CFAP20DC: variants seen among roughly 807,000 people sequenced by gnomAD.
CFAP20DC encodes CFAP20 domain containing, also known as protein CFAP20DC.
CFAP20DC carries 84 observed loss-of-function variants against 101.7 expected under a neutral mutation model. The ratio of observed to expected loss-of-function variants is 0.83; its 90% CI spans 0.69 to 0.99. The LOEUF (loss-of-function observed/expected upper bound fraction) is 0.99, where lower values mean the gene tolerates loss of function less well. Ranked by LOEUF, CFAP20DC falls within the 50% of genes least tolerant of loss-of-function variation. The probability of loss-of-function intolerance (pLI) is 0.00; values close to 1 mark genes in which losing one functional copy is unlikely to be tolerated. For missense variants in CFAP20DC, 1,007 were observed against 970.3 expected, an observed-to-expected ratio of 1.04 and a Z score of -0.50; for synonymous variants, 359 against 351.2, an observed-to-expected ratio of 1.02 and a Z score of -0.25.
chr3:58,753,960 A>C, intron 15 of CFAP20DC, 97 bp from the exon 16 acceptor site: 1 of 751,608 alleles, frequency 1.3e-6, no homozygotes, highest in Admixed American at 3.0e-5. Context: ...TCCAAAAAGA[A>C]ACACTTTTTT....
rs546467618 is a variant in CFAP20DC, at chr3:58,807,048, G to A, written c.2176-592C>T. On this transcript the variant is annotated intron_variant, in intron 14 of 16. Transcript: ENST00000482387. Reference sequence around the variant, plus strand: ...CCCGCCATTGCCCAGACTTGCTTAGGTAAACAAAGCAGCCAGGAAGCTCGA... The same window carrying A: ...CCCGCCATTGCCCAGACTTGCTTAGATAAACAAAGCAGCCAGGAAGCTCGA... 5.1e-4 allele frequency among the ~76,000 whole-genome samples: 78 copies of A among 152,284 alleles called. 1 individual carries two copies. Among genetic ancestry groups the A allele is most frequent in the African/African-American group, 1.9e-3 (77 of 41,564 alleles).
In CFAP20DC at chr3:58,724,992, C is replaced by T. The variant is rs1051514836; in HGVS notation, c.198-7364G>A. ...GCTATTATTACTTTGGAGGGGACCACCGAACCAGTAAACATTTGGGTTATG... is the reference window on the plus strand; with the variant it reads ...GCTATTATTACTTTGGAGGGGACCATCGAACCAGTAAACATTTGGGTTATG... On this transcript the variant is annotated intron_variant, in intron 3 of 3. Transcript: ENST00000486145. The surrounding 1 kb of genome is among the most constrained non-coding windows in gnomAD (Gnocchi z 5.6). Among the ~76,000 whole-genome samples, 1 of 152,124 alleles carries T rather than the reference C, an allele frequency of 6.6e-6. No homozygotes were observed. The highest frequency in any genetic ancestry group is 6.5e-5 in the Admixed American group (1 of 15,284).
Position 58,916,473 on chromosome 3 carries a change from T to C in CFAP20DC, c.394-2609A>G, listed in dbSNP as rs138878244. On this transcript the variant is annotated intron_variant, in intron 5 of 16. Transcript: ENST00000482387. ...TCTGTCAACCTGGACTCATGCTTCA[T>C]GGAATGTACTAAACAAATAAGGGTA... Among the ~76,000 whole-genome samples, 23 of 152,276 alleles carry C rather than the reference T, an allele frequency of 1.5e-4. No homozygotes were observed. The East Asian group carries it at 4.4e-3, about 29-fold the overall frequency.
At chr3:59,008,897 A>G (rs898502779) in intron 4 of CFAP20DC, among the ~76,000 whole-genome samples, 13 of 152,282 alleles carry the variant, frequency 8.5e-5, no homozygotes, top group Middle Eastern at 3.4e-3. Context: ...GAAAACAGTA[A>G]ACAAATAAAG....
intron 15 of CFAP20DC, among the ~76,000 whole-genome samples, chr3:58,797,753 C>T (rs1477213221): frequency 8.0e-6 from 1 of 125,630 alleles, no homozygotes; most frequent in African/African-American, 3.5e-5. Flanking sequence ...CAGGATGACT[C>T]TGTTGTTGGG....
intron 15 of CFAP20DC, among the ~76,000 whole-genome samples, chr3:58,791,194 A>AT (rs201284712): frequency 2.0e-5 from 3 of 152,014 alleles, no homozygotes; most frequent in East Asian, 1.9e-4. Context: ...TTAAAGTATG[A>AT]TTTTTTTTGA....
intron 12 of CFAP20DC, chr3:58,862,747 T>C: frequency 3.1e-6 from 3 of 972,966 alleles, no homozygotes; most frequent in Non-Finnish European, 1.2e-6. Context: ...TAGAAAAGCT[T>C]TGTACATTTT....
chr3:58,842,458 G>A (rs2077210929), intron 13 of CFAP20DC, among the ~76,000 whole-genome samples: 1 of 151,938 alleles, frequency 6.6e-6, no homozygotes. Flanking sequence ...TTTTCAGACC[G>A]GCTTAAAAAA....
rs762830554 is a variant in CFAP20DC at position 58,913,705 on chromosome 3, T to TA, written c.550+2dup. On this transcript the variant is annotated splice_region_variant and intron_variant, in intron 6 of 16. Transcript: ENST00000482387. The surrounding 1 kb of genome is among the most constrained non-coding windows in gnomAD (Gnocchi z 4.4). ...AAAAATCTTGATAGCAACCTGAACA[T>TA]ACCATCCTTATCAGCAGTGTCTTGT... The TA allele has an allele frequency of 1.2e-6, 2 of 1,613,482 alleles. No homozygotes were observed. The highest frequency in any genetic ancestry group is 1.7e-6 in the Non-Finnish European group (2 of 1,179,636).
intron 14 of CFAP20DC, among the ~76,000 whole-genome samples, chr3:58,816,982 CCT>C (rs1473269106): frequency 2.0e-5 from 3 of 152,112 alleles, no homozygotes; most frequent in African/African-American, 7.2e-5. Context: ...GTCCCTGGCC[CCT>C]GACCCCCGAG....
intron 4 of CFAP20DC, among the ~76,000 whole-genome samples, chr3:58,998,955 C>T (rs771550080): frequency 1.3e-5 from 2 of 152,200 alleles, no homozygotes; most frequent in Non-Finnish European, 2.9e-5. Flanking sequence ...CAAACTCACA[C>T]AGCTGGTGGA....
intron 13 of CFAP20DC, among the ~76,000 whole-genome samples, chr3:58,843,273 T>C (rs929132114): frequency 2.0e-5 from 3 of 151,786 alleles, no homozygotes; most frequent in African/African-American, 7.3e-5. Context: ...GAAAAAAATT[T>C]AGAAGAATGT....
intron 13 of CFAP20DC, among the ~76,000 whole-genome samples, chr3:58,848,721 C>G (rs930640084): frequency 6.6e-6 from 1 of 152,096 alleles, no homozygotes; most frequent in African/African-American, 2.4e-5. Context: ...ATAAGATCAT[C>G]ATTTATAATT....
intron 15 of CFAP20DC, among the ~76,000 whole-genome samples, chr3:58,770,996 C>G (rs1020937902): frequency 3.3e-5 from 5 of 152,128 alleles, no homozygotes; most frequent in Non-Finnish European, 7.3e-5. Context: ...GACTTGGAAC[C>G]AACCCAAATG....
At chr3:58,719,379 G>C (rs567373323) in intron 3 of CFAP20DC, among the ~76,000 whole-genome samples, 1 of 152,350 alleles carries the variant, frequency 6.6e-6, no homozygotes, top group Admixed American at 6.5e-5. Flanking sequence ...GTGTGGGCAA[G>C]GGTGGAATGT....
chr3:58,819,754 T>C (rs2075481100), intron 14 of CFAP20DC, among the ~76,000 whole-genome samples: 1 of 145,316 alleles, frequency 6.9e-6, no homozygotes, highest in Non-Finnish European at 1.5e-5. Flanking sequence ...ACTATTCCAA[T>C]CAATAGAAAA....
chr3:58,766,996 G>T (rs147913060), intron 15 of CFAP20DC, among the ~76,000 whole-genome samples: 5 of 152,084 alleles, frequency 3.3e-5, no homozygotes, highest in Non-Finnish European at 5.9e-5. Context: ...AAGAGCTCTC[G>T]TCTCAGCTCA....
rs985373653 is a variant in CFAP20DC, at chr3:58,722,178, C to T, written c.198-4550G>A. Among the ~76,000 whole-genome samples, 7 of 152,168 alleles carry T rather than the reference C, an allele frequency of 4.6e-5. No homozygotes were observed. Among genetic ancestry groups the T allele is most frequent in the African/African-American group, 7.2e-5 (3 of 41,440 alleles). On this transcript the variant is annotated intron_variant, in intron 3 of 3. Transcript: ENST00000486145. This position sits in a 1 kb window ranked among gnomAD's most constrained non-coding sequence, Gnocchi z 4.5. ...ATGGTCCCAGCTAAAGCCCAGCCTC[C>T]GGGTCATCCCAGCCCAGGCACCAGG...
intron 4 of CFAP20DC, among the ~76,000 whole-genome samples, chr3:59,030,912 C>T (rs1427510194): frequency 6.6e-6 from 1 of 152,188 alleles, no homozygotes; most frequent in African/African-American, 2.4e-5. Flanking sequence ...CAAGCTCCGC[C>T]TCCCGGGTTC....
Sources: gnomAD v4.1 joint callset for allele counts (sites outside exome capture counted in the v4.1 genomes callset) on GRCh38, gnomAD v4.1.1 for gene constraint, Gnocchi (gnomAD v3.1) non-coding constraint, MANE v1.5 for transcripts, NCBI Gene and HGNC (gene_info 2026-07-23, HGNC 2026-07-21) for gene names.